Variants in CALML4 observed in about 807,000 individuals in gnomAD.
CALML4 encodes the protein calmodulin-like protein 4.
Under a neutral mutation model 17.9 loss-of-function variants are expected in CALML4, and 16 were observed. The observed-to-expected ratio is 0.89, with a 90% CI of 0.61 to 1.36. CALML4 has a LOEUF of 1.36. Ranked by LOEUF, CALML4 falls within the 40% of genes most tolerant of loss-of-function variation. CALML4 has a pLI of 0.00. For missense variants in CALML4, 203 were observed against 194.8 expected (o/e 1.04, Z -0.25); for synonymous variants, 86 against 71.5 (o/e 1.20, Z -1.02).
At chr15:68,196,118 G>A (rs575751656) in intron 4 of CALML4, among the ~76,000 whole-genome samples, 4 of 152,270 alleles carry the variant, frequency 2.6e-5, no homozygotes, top group Admixed American at 6.5e-5. Context: ...GCGCAAGCTC[G>A]GCTCACTGCA....
In CALML4 at chr15:68,201,089, G is replaced by A. The variant is rs560025725; in HGVS notation, c.35-1408C>T. ...TAATGAAGGCACTCAGGCCTCCCTG[G>A]TAGGATTTCAGGGGGGTCACTAAAG... On this transcript the variant is annotated intron_variant, in intron 2 of 4. Transcript: ENST00000467889. 4.0e-3 allele frequency among the ~76,000 whole-genome samples: 603 copies of A among 152,316 alleles called. 1 individual carries two copies. Among genetic ancestry groups the A allele is most frequent in the Non-Finnish European group, 6.5e-3 (443 of 68,024 alleles).
In CALML4 at chr15:68,204,879, G is replaced by C. The variant is rs1363464902; in HGVS notation, c.34+242C>G. ...CAGGTTCTGGAGGGAAACCTAGTAA[G>C]TTCTGTCTTAGCGCCCTGGCTTGTA... On this transcript the variant is annotated intron_variant, in intron 2 of 4. Transcript: ENST00000467889. This position sits in a 1 kb window ranked among gnomAD's most constrained non-coding sequence, Gnocchi z 6.0. Among the ~76,000 whole-genome samples, 3 of 152,088 alleles carry C rather than the reference G, an allele frequency of 2.0e-5. No individual in the cohort carries two copies. The highest frequency in any genetic ancestry group is 6.5e-5 in the Admixed American group (1 of 15,268).
intron 2 of CALML4, among the ~76,000 whole-genome samples, chr15:68,203,447 C>A (rs574674856): frequency 6.6e-6 from 1 of 152,378 alleles, no homozygotes; most frequent in East Asian, 1.9e-4. Flanking sequence ...TCTTTCAAAT[C>A]TCCATCTCCA....
At position 68,204,704 on chromosome 15, in the gene CALML4, G is replaced by A. The variant is rs556617885; in HGVS notation, c.34+417C>T. On this transcript the variant is annotated intron_variant, in intron 2 of 4. Transcript: ENST00000467889. The surrounding 1 kb of genome is among the most constrained non-coding windows in gnomAD (Gnocchi z 6.0). ...ATTTTACAGATAGGGAGACTGAGGC[G>A]CAGAGAGTAGACGCATCCTGCCAGA... 8.5e-5 allele frequency among the ~76,000 whole-genome samples: 13 copies of A among 152,224 alleles called. No homozygotes were observed. Among genetic ancestry groups the A allele is most frequent in the South Asian group, 6.2e-4 (3 of 4,822 alleles).
chr15:68,197,506 AAC>A lies in CALML4; in HGVS notation c.296_297del (p.Gly99ValfsTer25). 1 of 1,614,150 alleles carries A rather than the reference AAC, an allele frequency of 6.2e-7. No individual in the cohort carries two copies. Among genetic ancestry groups the A allele is most frequent in the Non-Finnish European group, 8.5e-7 (1 of 1,180,032 alleles). On this transcript the variant is annotated frameshift_variant, in exon 4 of 5. Transcript: ENST00000467889. LOFTEE classifies it high-confidence loss of function. This position sits in a 1 kb window ranked among gnomAD's most constrained non-coding sequence, Gnocchi z 4.1. ...GACCGCAGGTCGGACGCCATGACGT[AAC>A]CTTTCTTCTCCTTGTCCACCATCAA... ...AMLMVDKEKK[G>X]YVMASDLRSK...
chr15:68,205,158 C>G lies in CALML4; in HGVS notation c.4-7G>C, dbSNP rs1226658743. 6.2e-7 allele frequency: 1 copy of G among 1,614,160 alleles called. No individual in the cohort carries two copies. The highest frequency in any genetic ancestry group is 2.2e-5 in the East Asian group (1 of 44,878). On this transcript the variant is annotated splice_polypyrimidine_tract_variant and splice_region_variant and intron_variant, in intron 1 of 4. Transcript: ENST00000467889. The surrounding 1 kb of genome is among the most constrained non-coding windows in gnomAD (Gnocchi z 4.8). Reference sequence around the variant, plus strand: ...CTTGGGAAAGAAACTTGGCCTGCAGCAGAGAAAGGAAAACAGTCAGGGGAG... The same window carrying G: ...CTTGGGAAAGAAACTTGGCCTGCAGGAGAGAAAGGAAAACAGTCAGGGGAG...
Position 68,202,807 on chromosome 15 carries a change from C to CTTTTTTTTT in CALML4, c.34+2305_34+2313dup, listed in dbSNP as rs35057668. On this transcript the variant is annotated intron_variant, in intron 2 of 4. Transcript: ENST00000467889. The stretch of plus-strand genomic sequence containing the variant: ...TATAGGCATGTGCCACCATGACCGG[C>CTTTTTTTTT]TTTTTTTTTTTTTTTTTTTTTTTTG... 2.4e-4 allele frequency among the ~76,000 whole-genome samples: 23 copies of CTTTTTTTTT among 95,034 alleles called. 2 individuals carry two copies. The highest frequency in any genetic ancestry group is 1.1e-3 in the African/African-American group (22 of 19,928). 62.3% of individuals were successfully genotyped at this position (95,034 alleles called of 152,430 possible). A position where few individuals can be genotyped will look rare whatever the true frequency, so the allele number is the denominator to read the frequency against.
intron 3 of CALML4, among the ~76,000 whole-genome samples, chr15:68,199,168 C>CA (rs901122735): frequency 1.1e-3 from 159 of 143,490 alleles, no homozygotes; most frequent in Middle Eastern, 0.011. Flanking sequence ...TGTCCCCCCT[C>CA]AAAAAAAAAA....
chr15:68,199,798 C>T, intron 2 of CALML4, 117 bp from the exon 3 acceptor site: 1 of 1,098,472 alleles, frequency 9.1e-7, no homozygotes, highest in Non-Finnish European at 1.3e-6. Context: ...CTCCCTCCAT[C>T]CCTCTCTCCC....
intron 3 of CALML4, among the ~76,000 whole-genome samples, chr15:68,198,875 G>A (rs1347713860): frequency 6.6e-6 from 1 of 152,140 alleles, no homozygotes; most frequent in Admixed American, 6.5e-5. Context: ...ATGGAGTTAG[G>A]AGAAAGCTGG....
intron 2 of CALML4, among the ~76,000 whole-genome samples, chr15:68,201,894 T>C (rs914714064): frequency 6.6e-6 from 1 of 152,140 alleles, no homozygotes; most frequent in African/African-American, 2.4e-5. Context: ...ACCTCCTGGC[T>C]CTCCTTCCTG....
At chr15:68,202,023 A>T (rs2093166912) in intron 2 of CALML4, among the ~76,000 whole-genome samples, 1 of 152,244 alleles carries the variant, frequency 6.6e-6, no homozygotes, top group South Asian at 2.1e-4. Flanking sequence ...TCACTGTTGT[A>T]TGTAGCTCCA....
At chr15:68,199,704 G>C in intron 2 of CALML4, 23 bp from the exon 3 acceptor site, 2 of 1,606,196 alleles carry the variant, frequency 1.2e-6, no homozygotes, top group East Asian at 2.2e-5. Flanking sequence ...CAGAGGGAGG[G>C]TCAGCAGCGT....
intron 2 of CALML4, chr15:68,199,912 C>A (rs1300664471): frequency 2.5e-6 from 1 of 396,786 alleles, no homozygotes; most frequent in Non-Finnish European, 4.5e-6. Context: ...CCAAATTTTG[C>A]ATAGGACATA....
chr15:68,203,266 T>G (rs148681532), intron 2 of CALML4, among the ~76,000 whole-genome samples: 2,041 of 152,348 alleles, frequency 0.013, 26 homozygotes, highest in Non-Finnish European at 0.022. Flanking sequence ...TTGCCAACTC[T>G]TATATCCATT....
In CALML4 at chr15:68,204,895, C is replaced by T. The variant is rs1320969235; in HGVS notation, c.34+226G>A. On this transcript the variant is annotated intron_variant, in intron 2 of 4. Transcript: ENST00000467889. This position sits in a 1 kb window ranked among gnomAD's most constrained non-coding sequence, Gnocchi z 6.0. The stretch of plus-strand genomic sequence containing the variant: ...ACCTAGTAAGTTCTGTCTTAGCGCC[C>T]TGGCTTGTAAGTCACACTGACAAGT... Among the ~76,000 whole-genome samples the T allele has an allele frequency of 6.6e-6, 1 of 152,130 alleles. No homozygotes were observed. Among genetic ancestry groups the T allele is most frequent in the African/African-American group, 2.4e-5 (1 of 41,422 alleles).
At chr15:68,196,337 TGAGGGGTCAC>T (rs1341153022) in intron 4 of CALML4, among the ~76,000 whole-genome samples, 2 of 152,198 alleles carry the variant, frequency 1.3e-5, no homozygotes, top group African/African-American at 4.8e-5. Flanking sequence ...CAGAGGGACC[TGAGGGGTCAC>T]CTACTGTACC....
intron 2 of CALML4, among the ~76,000 whole-genome samples, chr15:68,202,807 C>CTTTTTTTTTTTT (rs35057668): frequency 1.1e-5 from 1 of 95,034 alleles, no homozygotes; most frequent in African/African-American, 5.0e-5. Flanking sequence ...CCATGACCGG[C>CTTTTTTTTTTTT]TTTTTTTTTT....
upstream of CALML4, chr15:68,205,437 C>T (rs933971275): frequency 5.8e-5 from 93 of 1,603,148 alleles, no homozygotes; most frequent in East Asian, 2.5e-4. This position sits in a 1 kb window ranked among gnomAD's most constrained non-coding sequence, Gnocchi z 4.8. Context: ...GCTCATGACC[C>T]GCCACCTGGG....
Sources: gnomAD v4.1 joint callset for allele counts (sites outside exome capture counted in the v4.1 genomes callset) on GRCh38, gnomAD v4.1.1 for gene constraint, Gnocchi (gnomAD v3.1) non-coding constraint, MANE v1.5 for transcripts, NCBI Gene and HGNC (gene_info 2026-07-23, HGNC 2026-07-21) for gene names.